CACNG5: variants seen among roughly 807,000 people sequenced by gnomAD.
CACNG5 encodes voltage-dependent calcium channel gamma-5 subunit.
A neutral mutation model predicts 24.8 loss-of-function variants in CACNG5; 18 were observed. That is an observed-to-expected ratio of 0.73 (90% CI 0.50 to 1.08). The LOEUF is 1.08. CACNG5 is among the 50% of genes least tolerant of loss of function. The probability of loss-of-function intolerance (pLI) is 0.00; values close to 1 mark genes in which losing one functional copy is unlikely to be tolerated. For synonymous variants in CACNG5, 157 were observed against 149.1 expected, an observed-to-expected ratio of 1.05 and a Z score of -0.39; for missense variants, 349 against 367.9, an observed-to-expected ratio of 0.95 and a Z score of 0.42.
In CACNG5 at chr17:66,890,418, G is replaced by C. The variant is rs770109412; in HGVS notation, c.*5178G>C. On this transcript the variant is annotated 3_prime_UTR_variant, in exon 6 of 6. Coordinates refer to ENST00000533854, the MANE Select transcript of CACNG5 (RefSeq NM_145811.3). ...CCCCTCTAGCATCCACGTCTCCCAG[G>C]ACAGGTGCTAGGGCCTCATGTCCTT... Among the ~76,000 whole-genome samples the C allele has an allele frequency of 6.6e-6, 1 of 152,218 alleles. No homozygotes were observed. Among genetic ancestry groups the C allele is most frequent in the South Asian group, 2.1e-4 (1 of 4,834 alleles).
rs540521667 is a variant in CACNG5, at chr17:66,889,885, A to G, written c.*4645A>G. Among the ~76,000 whole-genome samples the G allele has an allele frequency of 1.7e-4, 26 of 152,356 alleles. No homozygotes were observed. The highest frequency in any genetic ancestry group is 4.3e-4 in the African/African-American group (18 of 41,592). ...TTGGGCAGCACCATGGCCCAGCCAC[A>G]CTGACATGTAAAACTAACCATTGTA... On this transcript the variant is annotated 3_prime_UTR_variant, in exon 6 of 6. Coordinates refer to ENST00000533854, the MANE Select transcript of CACNG5 (RefSeq NM_145811.3).
chr17:66,852,764 C>G (rs1048838892), intron 1 of CACNG5, among the ~76,000 whole-genome samples: 1 of 152,100 alleles, frequency 6.6e-6, no homozygotes, highest in Non-Finnish European at 1.5e-5. Flanking sequence ...TCTACAAGTT[C>G]ATATAAAGGA....
intron 2 of CACNG5, 53 bp from the exon 3 acceptor site, chr17:66,878,919 A>C: frequency 6.9e-7 from 1 of 1,444,862 alleles, no homozygotes; most frequent in Non-Finnish European, 9.7e-7. Flanking sequence ...GTATGGACCA[A>C]CTTCAAATCC....
chr17:66,855,144 A>T (rs1976756916), intron 1 of CACNG5, among the ~76,000 whole-genome samples: 2 of 152,250 alleles, frequency 1.3e-5, no homozygotes, highest in Admixed American at 6.5e-5. Context: ...CAATACAGGG[A>T]TCATGTTATT....
chr17:66,877,859 C>T (rs1196985367), intron 2 of CACNG5, among the ~76,000 whole-genome samples: 2 of 152,234 alleles, frequency 1.3e-5, no homozygotes, highest in Admixed American at 1.3e-4. Context: ...TGCTTTAGCT[C>T]ATTGAAGTAT....
chr17:66,879,160 C>T (rs1423979362), intron 3 of CACNG5, 102 bp downstream of exon 3: 8 of 812,688 alleles, frequency 9.8e-6, no homozygotes, highest in African/African-American at 1.7e-5. Context: ...GAGGAATGCC[C>T]TTAGACTCAG....
At chr17:66,841,642 G>A (rs1484897887) in intron 1 of CACNG5, among the ~76,000 whole-genome samples, 1 of 152,188 alleles carries the variant, frequency 6.6e-6, no homozygotes, top group Non-Finnish European at 1.5e-5. Context: ...GGCTGCCACA[G>A]GAGGAGCCCT....
chr17:66,837,063 G>A (rs1238232560), intron 1 of CACNG5, among the ~76,000 whole-genome samples: 1 of 152,240 alleles, frequency 6.6e-6, no homozygotes. Flanking sequence ...TGGAGGCTCA[G>A]CCTCCTCACC....
chr17:66,882,587 G>A (rs1240768464), intron 4 of CACNG5, among the ~76,000 whole-genome samples: 1 of 152,144 alleles, frequency 6.6e-6, no homozygotes, highest in Non-Finnish European at 1.5e-5. Flanking sequence ...GCATTTTCAT[G>A]GAGACCTTTT....
chr17:66,855,463 C>T lies in CACNG5; in HGVS notation c.-104+20213C>T, dbSNP rs188357773. Among the ~76,000 whole-genome samples the T allele has an allele frequency of 3.7e-4, 56 of 152,300 alleles. 1 individual carries two copies. The highest frequency in any genetic ancestry group is 6.0e-4 in the Non-Finnish European group (41 of 68,026). ...CCCCTTAGCTCCAGGAAGACAGCTC[C>T]AGGAAACTCCTTAATTTTAAAAAGA... On this transcript the variant is annotated intron_variant, in intron 1 of 5. Transcript: ENST00000533854.
chr17:66,877,230 AGCCGTGGGTACT>A lies in CACNG5; in HGVS notation c.-99_-88del, dbSNP rs1977091921. On this transcript the variant is annotated splice_region_variant and 5_prime_UTR_variant, in exon 2 of 6. Coordinates refer to ENST00000533854, the MANE Select transcript of CACNG5 (RefSeq NM_145811.3). ...TGGCTCCTCATCTTCGTCTTCTCAGAGCCGTGGGTACTGCCACCTGCTCACCCACTCTCCCTA... is the reference window on the plus strand; with the variant it reads ...TGGCTCCTCATCTTCGTCTTCTCAGAGCCACCTGCTCACCCACTCTCCCTA... The A allele has an allele frequency of 2.2e-6, 2 of 922,852 alleles. No homozygotes were observed. The highest frequency in any genetic ancestry group is 5.0e-5 in the East Asian group (2 of 40,018). The allele number at this position is 922,852 out of a possible 1,614,324, so 57.2% of individuals were successfully genotyped here. A position where few individuals can be genotyped will look rare whatever the true frequency, so the allele number is the denominator to read the frequency against.
chr17:66,851,147 G>A (rs1211753743), intron 1 of CACNG5, among the ~76,000 whole-genome samples: 1 of 152,136 alleles, frequency 6.6e-6, no homozygotes, highest in African/African-American at 2.4e-5. Flanking sequence ...TCTCTAGGAA[G>A]GTGGAGGAGG....
At chr17:66,875,088 C>G (rs148295386) in intron 1 of CACNG5, among the ~76,000 whole-genome samples, 168 of 152,300 alleles carry the variant, frequency 1.1e-3, no homozygotes, top group African/African-American at 3.9e-3. Flanking sequence ...GATGCTACCC[C>G]ACCTTCAGTC....
intron 1 of CACNG5, among the ~76,000 whole-genome samples, chr17:66,860,647 G>A (rs1443180569): frequency 8.0e-6 from 1 of 124,952 alleles, no homozygotes; most frequent in Non-Finnish European, 1.7e-5. Flanking sequence ...AAAAAAAAAT[G>A]CTAAAAGAAG....
intron 1 of CACNG5, among the ~76,000 whole-genome samples, chr17:66,846,144 C>T (rs1333866119): frequency 6.6e-6 from 1 of 152,150 alleles, no homozygotes; most frequent in East Asian, 1.9e-4. Context: ...CTCATAATTG[C>T]TTATATGCAT....
intron 2 of CACNG5, among the ~76,000 whole-genome samples, chr17:66,877,798 C>G (rs1464104279): frequency 3.3e-5 from 5 of 152,352 alleles, no homozygotes; most frequent in African/African-American, 1.2e-4. Flanking sequence ...CCACACTCTG[C>G]TCCCAGGACT....
At chr17:66,839,835 C>T (rs1976541189) in intron 1 of CACNG5, among the ~76,000 whole-genome samples, 1 of 152,136 alleles carries the variant, frequency 6.6e-6, no homozygotes. Flanking sequence ...CTGTTCCGCG[C>T]ACGTGCACTG....
intron 1 of CACNG5, among the ~76,000 whole-genome samples, chr17:66,859,707 G>GA (rs997204412): frequency 6.6e-6 from 1 of 152,012 alleles, no homozygotes; most frequent in Non-Finnish European, 1.5e-5. Flanking sequence ...AGAATCAGCA[G>GA]AAAAATACAT....
chr17:66,884,469 C>T, intron 4 of CACNG5, 47 bp from the exon 5 acceptor site: 1 of 1,552,356 alleles, frequency 6.4e-7, no homozygotes, highest in South Asian at 1.2e-5. Flanking sequence ...CAGCAAACTT[C>T]CTGGGCCTCT....
Sources: allele counts gnomAD v4.1 joint callset (sites outside exome capture counted in the v4.1 genomes callset), GRCh38; gene constraint gnomAD v4.1.1; transcripts MANE v1.5; gene names NCBI Gene and HGNC (gene_info 2026-07-23, HGNC 2026-07-21).